The following CPNE4 variants were observed in gnomAD, a reference collection of about 807,000 sequenced individuals.
CPNE4 encodes the protein copine 4.
Under a neutral mutation model 67.9 loss-of-function variants are expected in CPNE4, and 25 were observed. The ratio of observed to expected loss-of-function variants is 0.37; its 90% CI spans 0.27 to 0.51. The LOEUF is 0.51. CPNE4 is among the 20% of genes least tolerant of loss of function. CPNE4 has a pLI of 0.93. For synonymous variants in CPNE4, 242 were observed against 244.9 expected, an observed-to-expected ratio of 0.99 and a Z score of 0.11; for missense variants, 464 against 690.8, an observed-to-expected ratio of 0.67 and a Z score of 3.68.
chr3:132,029,416 T>C (rs887336297), intron 1 of CPNE4, among the ~76,000 whole-genome samples: 7 of 152,118 alleles, frequency 4.6e-5, no homozygotes, highest in African/African-American at 9.7e-5. Flanking sequence ...CTCCATTCCT[T>C]ATCCTAGAAG....
At chr3:131,822,101 C>A (rs1267229679) in intron 2 of CPNE4, among the ~76,000 whole-genome samples, 1 of 152,160 alleles carries the variant, frequency 6.6e-6, no homozygotes, top group Non-Finnish European at 1.5e-5. Context: ...TTCAGTGCAA[C>A]TGGATTTACA....
chr3:131,835,515 A>G (rs535479258), intron 2 of CPNE4, among the ~76,000 whole-genome samples: 2 of 151,964 alleles, frequency 1.3e-5, no homozygotes, highest in African/African-American at 4.8e-5. Context: ...GGCAACAGAG[A>G]AAGACTCCAT....
At chr3:131,545,813 T>C (rs2087035) in intron 14 of CPNE4, among the ~76,000 whole-genome samples, 37,328 of 152,114 alleles carry the variant, frequency 0.25, 5,522 homozygotes, top group African/African-American at 0.42. Flanking sequence ...CCTGTAATCC[T>C]AGCACTTTGG....
intron 1 of CPNE4, among the ~76,000 whole-genome samples, chr3:131,978,076 T>TA (rs199806323): frequency 5.4e-3 from 182 of 33,402 alleles, no homozygotes; most frequent in South Asian, 7.4e-3. Context: ...TAAATATATA[T>TA]AAATATATAT....
intron 7 of CPNE4, among the ~76,000 whole-genome samples, chr3:131,604,088 C>A (rs548942694): frequency 6.6e-6 from 1 of 152,230 alleles, no homozygotes; most frequent in East Asian, 1.9e-4. Context: ...TAGAGCCCCA[C>A]ACTTCCAGAT....
intron 2 of CPNE4, among the ~76,000 whole-genome samples, chr3:131,878,756 A>C (rs543019325): frequency 6.6e-6 from 1 of 152,350 alleles, no homozygotes; most frequent in South Asian, 2.1e-4. Context: ...TTAAGAATAG[A>C]TATGCTACAA....
intron 7 of CPNE4, among the ~76,000 whole-genome samples, chr3:131,596,174 A>C (rs1313668231): frequency 2.0e-5 from 3 of 152,206 alleles, no homozygotes; most frequent in African/African-American, 7.2e-5. Context: ...ATAAATAAGT[A>C]AATTGATGCA....
At chr3:131,570,627 C>T (rs1290112677) in intron 10 of CPNE4, among the ~76,000 whole-genome samples, 3 of 152,052 alleles carry the variant, frequency 2.0e-5, no homozygotes, top group African/African-American at 7.2e-5. Context: ...CACCTCCACC[C>T]ACCTCCTCAA....
chr3:131,741,578 T>C (rs956988181), intron 2 of CPNE4, among the ~76,000 whole-genome samples: 1 of 152,102 alleles, frequency 6.6e-6, no homozygotes, highest in African/African-American at 2.4e-5. Flanking sequence ...GGAAATAAGT[T>C]TTCTGAAAAA....
chr3:132,023,489 T>C (rs919603712), intron 1 of CPNE4, among the ~76,000 whole-genome samples: 1 of 134,926 alleles, frequency 7.4e-6, no homozygotes, highest in African/African-American at 2.8e-5. Context: ...CTTTTTTTTT[T>C]TTTTTTTTTT....
intron 2 of CPNE4, among the ~76,000 whole-genome samples, chr3:131,845,338 C>A (rs530548439): frequency 6.6e-6 from 1 of 152,126 alleles, no homozygotes; most frequent in Non-Finnish European, 1.5e-5. Flanking sequence ...AACAGGAAAT[C>A]GGTGCTTAAA....
chr3:131,664,090 G>A (rs191671270), intron 7 of CPNE4, among the ~76,000 whole-genome samples: 1 of 152,148 alleles, frequency 6.6e-6, no homozygotes, highest in Non-Finnish European at 1.5e-5. Context: ...TTACTTGTGT[G>A]GTTTGGAAAT....
chr3:131,803,074 G>A (rs977113829), intron 2 of CPNE4, among the ~76,000 whole-genome samples: 9 of 152,152 alleles, frequency 5.9e-5, no homozygotes, highest in South Asian at 2.1e-4. Flanking sequence ...GGTAGTGAAA[G>A]GTTACAAAAA....
intron 2 of CPNE4, among the ~76,000 whole-genome samples, chr3:131,788,073 AAT>A (rs1313301672): frequency 6.6e-6 from 1 of 152,184 alleles, no homozygotes; most frequent in African/African-American, 2.4e-5. Flanking sequence ...AACATAGGTA[AAT>A]ATGATTCTGA....
chr3:131,774,006 T>C (rs1447539557), intron 2 of CPNE4, among the ~76,000 whole-genome samples: 1 of 152,150 alleles, frequency 6.6e-6, no homozygotes, highest in African/African-American at 2.4e-5. Context: ...GGGTGATACA[T>C]ATCTTTGTGC....
intron 2 of CPNE4, among the ~76,000 whole-genome samples, chr3:131,868,217 C>T (rs1166011111): frequency 1.3e-5 from 2 of 152,146 alleles, no homozygotes. Flanking sequence ...TGACCCATGG[C>T]CACCTGAAGT....
chr3:131,793,273 ATCT>A (rs1362559203), intron 2 of CPNE4, among the ~76,000 whole-genome samples: 2 of 151,982 alleles, frequency 1.3e-5, no homozygotes, highest in East Asian at 3.9e-4. Flanking sequence ...CTTTCAATCC[ATCT>A]TCTACACAGG....
intron 1 of CPNE4, chr3:131,925,428 C>T (rs980529061): frequency 6.6e-6 from 1 of 152,176 alleles, no homozygotes; most frequent in South Asian, 2.1e-4. Context: ...CTTTTGCCTG[C>T]TTTCTCCACA....
intron 1 of CPNE4, among the ~76,000 whole-genome samples, chr3:131,969,558 C>T (rs1001259799): frequency 2.0e-5 from 3 of 152,086 alleles, no homozygotes; most frequent in African/African-American, 7.2e-5. Flanking sequence ...ACACTTGAGG[C>T]TGTTTTCTGA....
Sources: gnomAD v4.1 joint callset for allele counts (sites outside exome capture counted in the v4.1 genomes callset) on GRCh38, gnomAD v4.1.1 for gene constraint, MANE v1.5 for transcripts, NCBI Gene and HGNC (gene_info 2026-07-23, HGNC 2026-07-21) for gene names.